The following ATP8A2 variants were observed in gnomAD, a reference collection of about 807,000 sequenced individuals.
ATP8A2 encodes the protein ATPase phospholipid transporting 8A2.
In ATP8A2, 100 loss-of-function variants were observed where a neutral mutation model predicts 165.6. The observed-to-expected ratio is 0.60, with a 90% CI of 0.51 to 0.71. The LOEUF is 0.71. Among genes scored for constraint, ATP8A2 ranks in the 30% least tolerant of loss-of-function variants. The pLI, the probability that ATP8A2 is intolerant of heterozygous loss-of-function variation, is 0.00. For synonymous variants in ATP8A2, 543 were observed against 548.8 expected, an observed-to-expected ratio of 0.99 and a Z score of 0.15; for missense variants, 1,227 against 1,479.5, an observed-to-expected ratio of 0.83 and a Z score of 2.80.
chr13:25,712,602 C>A, intron 25 of ATP8A2, among the ~76,000 whole-genome samples: 1 of 152,124 alleles, frequency 6.6e-6, no homozygotes, highest in East Asian at 1.9e-4. Context: ...CCATAAGGGA[C>A]TAGATGATAC....
intron 15 of ATP8A2, among the ~76,000 whole-genome samples, chr13:25,563,237 C>T (rs2039213268): frequency 6.6e-6 from 1 of 152,114 alleles, no homozygotes; most frequent in Non-Finnish European, 1.5e-5. Flanking sequence ...TGGCAAAACC[C>T]TGTCTCTACT....
intron 24 of ATP8A2, among the ~76,000 whole-genome samples, chr13:25,620,151 C>T (rs2040931788): frequency 6.6e-6 from 1 of 152,132 alleles, no homozygotes; most frequent in South Asian, 2.1e-4. Context: ...TAAGTCCTAA[C>T]AAGGATCAGT....
chr13:25,818,281 A>G (rs1951078993), intron 27 of ATP8A2, among the ~76,000 whole-genome samples: 1 of 152,186 alleles, frequency 6.6e-6, no homozygotes, highest in Non-Finnish European at 1.5e-5. Context: ...AGATCTGGAT[A>G]ATTCATAAAT....
chr13:25,641,487 T>A lies in ATP8A2; in HGVS notation c.2211+51788T>A, dbSNP rs572443080. Among the ~76,000 whole-genome samples the A allele has an allele frequency of 3.4e-4, 52 of 152,020 alleles. 1 individual carries two copies. The South Asian group carries it at 7.1e-3, about 21-fold the overall frequency. On this transcript the variant is annotated intron_variant, in intron 24 of 36. Transcript: ENST00000381655. Reference sequence around the variant, plus strand: ...CAGACAAACAGAGAGCCAAATCATGTGTGAACTCCCATTCACAATTGCTTC... The same window carrying A: ...CAGACAAACAGAGAGCCAAATCATGAGTGAACTCCCATTCACAATTGCTTC...
chr13:25,572,193 G>A (rs902899774), intron 18 of ATP8A2, among the ~76,000 whole-genome samples: 4 of 152,174 alleles, frequency 2.6e-5, no homozygotes, highest in Admixed American at 1.3e-4. Context: ...AGAGTGCAGT[G>A]GTGCAATCTC....
chr13:25,517,083 ATT>A (rs34573507), intron 2 of ATP8A2: 19 of 136,860 alleles, frequency 1.4e-4, no homozygotes, highest in Non-Finnish European at 2.0e-4. Context: ...GCCTGGTCAC[ATT>A]TTTTTTTTTT....
At chr13:25,558,841 A>T in intron 13 of ATP8A2, 132 bp from the exon 14 acceptor site, 4 of 559,128 alleles carry the variant, frequency 7.2e-6, no homozygotes, top group African/African-American at 1.9e-5. Flanking sequence ...ATTTTTTGTT[A>T]CTAATTTGCT....
chr13:25,655,379 C>T (rs1441856180), intron 24 of ATP8A2, among the ~76,000 whole-genome samples: 4 of 152,170 alleles, frequency 2.6e-5, no homozygotes, highest in Non-Finnish European at 4.4e-5. Flanking sequence ...AGGCTGGTCT[C>T]GAACTCCGAC....
chr13:25,418,163 C>T (rs1389704408), intron 1 of ATP8A2, among the ~76,000 whole-genome samples: 1 of 152,196 alleles, frequency 6.6e-6, no homozygotes, highest in Non-Finnish European at 1.5e-5. Context: ...CTGACCAGGA[C>T]ATAGCTCCCA....
chr13:25,603,517 G>C (rs1049030682), intron 24 of ATP8A2, among the ~76,000 whole-genome samples: 2 of 151,844 alleles, frequency 1.3e-5, no homozygotes, highest in East Asian at 3.9e-4. Context: ...GGCTGCTGGA[G>C]TGAGCAGAGA....
intron 30 of ATP8A2, among the ~76,000 whole-genome samples, chr13:25,856,849 A>T (rs959839262): frequency 1.2e-4 from 19 of 152,208 alleles, no homozygotes; most frequent in Non-Finnish European, 8.8e-5. Flanking sequence ...GGTGATTACC[A>T]TATTGGGCTG....
intron 27 of ATP8A2, among the ~76,000 whole-genome samples, chr13:25,826,025 A>G (rs542083056): frequency 2.7e-4 from 41 of 152,302 alleles, no homozygotes; most frequent in African/African-American, 9.6e-4. Context: ...TTTGAGATCC[A>G]TTGTGCAGTG....
rs1316501585 is a variant in ATP8A2, at chr13:25,920,121, TA to T, written c.3184-41449del. ...TCTTGAACTCACTTCCTTTGGTTCTTAAAAACCCTTCTTCAGATTCTTTTTG... is the reference window on the plus strand; with the variant it reads ...TCTTGAACTCACTTCCTTTGGTTCTTAAAACCCTTCTTCAGATTCTTTTTG... On this transcript the variant is annotated intron_variant, in intron 33 of 36. Coordinates refer to ENST00000381655, the MANE Select transcript of ATP8A2 (RefSeq NM_016529.6). Among the ~76,000 whole-genome samples the T allele has an allele frequency of 2.0e-5, 3 of 152,280 alleles. No homozygotes were observed. The East Asian group carries it at 5.8e-4, about 29-fold the overall frequency.
At chr13:25,963,067 A>G (rs1231506394) in intron 34 of ATP8A2, among the ~76,000 whole-genome samples, 23 of 152,230 alleles carry the variant, frequency 1.5e-4, no homozygotes, top group Non-Finnish European at 1.5e-5. Context: ...GCCAGAAAAA[A>G]ATATTTTCTT....
At chr13:25,574,555 G>T (rs1197654143) in intron 18 of ATP8A2, among the ~76,000 whole-genome samples, 1 of 152,200 alleles carries the variant, frequency 6.6e-6, no homozygotes, top group Non-Finnish European at 1.5e-5. Context: ...TGTGCAGCTG[G>T]TGTCCTCTAT....
At chr13:25,490,598 T>C (rs2036495958) in intron 2 of ATP8A2, among the ~76,000 whole-genome samples, 1 of 152,180 alleles carries the variant, frequency 6.6e-6, no homozygotes, top group African/African-American at 2.4e-5. Context: ...GTCCACACAA[T>C]AAAACCCACT....
intron 33 of ATP8A2, among the ~76,000 whole-genome samples, chr13:25,909,522 G>T (rs1954041528): frequency 6.6e-6 from 1 of 152,020 alleles, no homozygotes; most frequent in African/African-American, 2.4e-5. Flanking sequence ...ATTTTAGGTT[G>T]GTGCAAAAGT....
At chr13:25,569,105 T>C (rs1288343641) in intron 16 of ATP8A2, among the ~76,000 whole-genome samples, 2 of 152,196 alleles carry the variant, frequency 1.3e-5, no homozygotes, top group Non-Finnish European at 2.9e-5. Flanking sequence ...GACAAGGTTA[T>C]GTTCAGGATT....
chr13:25,791,603 C>G, intron 27 of ATP8A2, among the ~76,000 whole-genome samples: 1 of 151,002 alleles, frequency 6.6e-6, no homozygotes, highest in Non-Finnish European at 1.5e-5. Flanking sequence ...AAGCAGTCCA[C>G]TCTGCCTGGA....
Sources: allele counts gnomAD v4.1 joint callset (sites outside exome capture counted in the v4.1 genomes callset), GRCh38; gene constraint gnomAD v4.1.1; transcripts MANE v1.5; gene names NCBI Gene and HGNC (gene_info 2026-07-23, HGNC 2026-07-21).